The following XIAP variants were observed in gnomAD, a reference collection of about 807,000 sequenced individuals.
The protein encoded by XIAP is E3 ubiquitin-protein ligase XIAP.
In XIAP, 3 loss-of-function variants were observed where a neutral mutation model predicts 33.1. That is an observed-to-expected ratio of 0.09 (90% confidence interval 0.04 to 0.23). XIAP has a LOEUF of 0.23. Ranked by LOEUF, XIAP falls within the 10% of genes least tolerant of loss-of-function variation. The pLI is 1.00. For synonymous variants in XIAP, 98 were observed against 121.3 expected (o/e 0.81, Z 1.26); for missense variants, 264 against 363.0 (o/e 0.73, Z 2.22).
intron 1 of XIAP, among the ~76,000 whole-genome samples, chrX:123,867,273 A>C (rs1283911960): frequency 9.5e-6 from 1 of 104,736 alleles, no homozygotes; most frequent in African/African-American, 3.5e-5. Flanking sequence ...GGGTTTCACC[A>C]TGGTCTCCAT....
intron 1 of XIAP, among the ~76,000 whole-genome samples, chrX:123,865,996 A>G (rs1472292956): frequency 8.6e-5 from 9 of 104,800 alleles, no homozygotes; most frequent in African/African-American, 3.2e-4. Context: ...CTGGAGTGCA[A>G]TGGCTGCGAT....
chrX:123,895,213 T>A (rs930029890), intron 5 of XIAP, among the ~76,000 whole-genome samples: 6 of 111,774 alleles, frequency 5.4e-5, no homozygotes, highest in African/African-American at 1.6e-4. Flanking sequence ...TTCTGGACAT[T>A]TAATGTAAAT....
At chrX:123,863,633 C>T (rs1056791429) in intron 1 of XIAP, among the ~76,000 whole-genome samples, 48 of 110,270 alleles carry the variant, frequency 4.4e-4, no homozygotes, top group African/African-American at 1.4e-3. Flanking sequence ...CTCAGCCTCC[C>T]GAGTAGCTGG....
intron 5 of XIAP, among the ~76,000 whole-genome samples, chrX:123,894,151 A>G (rs1245466288): frequency 1.8e-5 from 2 of 112,311 alleles, no homozygotes; most frequent in African/African-American, 6.5e-5. Flanking sequence ...TGGTTTGTTT[A>G]CCTCCTGTTA....
At position 123,860,140 on chromosome X, in the gene XIAP, G is replaced by C. The variant is rs1275169045; in HGVS notation, c.-186G>C. 3.0e-6 allele frequency: 1 copy of C among 329,781 alleles called. No homozygotes were observed. Among genetic ancestry groups the C allele is most frequent in the Non-Finnish European group, 5.9e-6 (1 of 169,965 alleles). 27.2% of individuals were successfully genotyped at this position (329,781 alleles called of 1,213,427 possible). ...GCCGGTAGAGGCGCGTGAGGGAGAC[G>C]AAGGGACTTCCGTTTCCTTCACCTA... On this transcript the variant is annotated 5_prime_UTR_variant, in exon 1 of 7. Transcript: ENST00000371199.
At chrX:123,900,818 G>T (rs1425745369) in intron 6 of XIAP, 125 bp downstream of exon 6, 2 of 600,592 alleles carry the variant, frequency 3.3e-6, no homozygotes. Flanking sequence ...CCTTAATGCT[G>T]TGTGTTAGTC....
rs1162082215 is a variant in XIAP at position 123,912,803 on chromosome X, C to T, written c.*5622C>T. On this transcript the variant is annotated 3_prime_UTR_variant, in exon 7 of 7. Coordinates refer to ENST00000371199, the MANE Select transcript of XIAP (RefSeq NM_001167.4). Reference sequence around the variant, plus strand: ...AAGCAGCTGGGACTACAGGCATGCTCCACGGTGCCCAGTTAATTTTTTTTG... The same window carrying T: ...AAGCAGCTGGGACTACAGGCATGCTTCACGGTGCCCAGTTAATTTTTTTTG... 9.4e-6 allele frequency: 3 copies of T among 320,837 alleles called. No individual in the cohort carries two copies. The highest frequency in any genetic ancestry group is 1.8e-5 in the Non-Finnish European group (3 of 166,644). The allele number at this position is 320,837 out of a possible 1,213,427, so 26.4% of individuals were successfully genotyped here. A position where few individuals can be genotyped will look rare whatever the true frequency, so the allele number is the denominator to read the frequency against.
rs1341045686 is a variant in XIAP, at chrX:123,912,460, C to A, written c.*5279C>A. On this transcript the variant is annotated 3_prime_UTR_variant, in exon 7 of 7. Coordinates refer to ENST00000371199, the MANE Select transcript of XIAP (RefSeq NM_001167.4). ...ATGCCAGCCTGGACAAAAGGCAAAA[C>A]CCTGTCTCTACAAAAAATACAAAAA... is the stretch of plus-strand genomic sequence containing the variant. 9.2e-6 allele frequency: 3 copies of A among 325,142 alleles called. No homozygotes were observed. Among genetic ancestry groups the A allele is most frequent in the Non-Finnish European group, 1.8e-5 (3 of 169,163 alleles). The allele number at this position is 325,142 out of a possible 1,213,427, so 26.8% of individuals were successfully genotyped here.
intron 1 of XIAP, among the ~76,000 whole-genome samples, chrX:123,875,257 G>A (rs2053233947): frequency 9.1e-6 from 1 of 109,760 alleles, no homozygotes; most frequent in Non-Finnish European, 1.9e-5. Flanking sequence ...CTGACCTCAG[G>A]TGATCCGCCT....
chrX:123,904,012 C>T (rs73231146), intron 6 of XIAP, among the ~76,000 whole-genome samples: 6,039 of 111,503 alleles, frequency 0.054, 155 homozygotes, highest in Middle Eastern at 0.1. Context: ...TCCCTCTCTT[C>T]CCAACCCCTG....
At chrX:123,890,259 G>A (rs1400285958) in intron 3 of XIAP, among the ~76,000 whole-genome samples, 32 of 102,811 alleles carry the variant, frequency 3.1e-4, no homozygotes, top group African/African-American at 1.1e-3. Context: ...CTCGTGATCC[G>A]CCCGCCTCGG....
intron 3 of XIAP, among the ~76,000 whole-genome samples, chrX:123,890,801 C>T (rs1402840529): frequency 1.8e-5 from 2 of 109,043 alleles, no homozygotes; most frequent in African/African-American, 3.3e-5. Flanking sequence ...ATTAGCCGGG[C>T]GTAGTGGTGC....
intron 4 of XIAP, among the ~76,000 whole-genome samples, chrX:123,891,977 C>T (rs2053412721): frequency 9.0e-6 from 1 of 111,373 alleles, no homozygotes; most frequent in African/African-American, 3.3e-5. Flanking sequence ...AGTCCCTTAG[C>T]CTTCTGAAAT....
intron 3 of XIAP, among the ~76,000 whole-genome samples, chrX:123,889,366 G>C (rs1433893135): frequency 9.4e-6 from 1 of 106,341 alleles, no homozygotes; most frequent in Non-Finnish European, 1.9e-5. Flanking sequence ...CTGGGATTCT[G>C]GCTAATTTTT....
intron 6 of XIAP, among the ~76,000 whole-genome samples, chrX:123,901,732 A>G (rs1602558997): frequency 9.0e-6 from 1 of 111,511 alleles, no homozygotes; most frequent in South Asian, 3.9e-4. Flanking sequence ...AAAGCTTCCA[A>G]TTTTTTCCTT....
chrX:123,879,036 A>G (rs1405555004), intron 1 of XIAP: 2 of 112,699 alleles, frequency 1.8e-5, no homozygotes, highest in African/African-American at 3.3e-5. Context: ...CCTGAAACTT[A>G]TGTACCATCA....
intron 1 of XIAP, among the ~76,000 whole-genome samples, chrX:123,884,520 A>G (rs2053334872): frequency 9.0e-6 from 1 of 111,206 alleles, no homozygotes; most frequent in Admixed American, 9.7e-5. Flanking sequence ...CGCATAATAT[A>G]GAGACAGAGT....
chrX:123,893,458 G>A (rs998971473), intron 5 of XIAP, among the ~76,000 whole-genome samples: 14 of 110,855 alleles, frequency 1.3e-4, no homozygotes, highest in Non-Finnish European at 2.3e-4. Context: ...AACCCAGGAG[G>A]TGGAGGTTGC....
intron 5 of XIAP, among the ~76,000 whole-genome samples, chrX:123,894,997 A>T (rs1256950711): frequency 1.9e-5 from 2 of 104,668 alleles, no homozygotes; most frequent in African/African-American, 7.1e-5. Flanking sequence ...AATAAATAAA[A>T]CATAAATTCA....
Sources: gnomAD v4.1 joint callset for allele counts (sites outside exome capture counted in the v4.1 genomes callset) on GRCh38, gnomAD v4.1.1 for gene constraint, MANE v1.5 for transcripts, NCBI Gene and HGNC (gene_info 2026-07-23, HGNC 2026-07-21) for gene names.